ERCC6L2: variants seen among roughly 807,000 people sequenced by gnomAD.
The protein encoded by ERCC6L2 is ERCC excision repair 6 like 2.
ERCC6L2 carries 77 observed loss-of-function variants against 132.0 expected under a neutral mutation model. The observed-to-expected ratio is 0.58, with a 90% CI of 0.49 to 0.71. ERCC6L2 has a LOEUF of 0.71. Ranked by LOEUF, ERCC6L2 falls within the 30% of genes least tolerant of loss-of-function variation. The pLI is 0.00. For missense variants in ERCC6L2, 1,542 were observed against 1,837.6 expected, an observed-to-expected ratio of 0.84 and a Z score of 2.94; for synonymous variants, 583 against 632.4, an observed-to-expected ratio of 0.92 and a Z score of 1.17.
chr9:96,020,374 G>A (rs1471080404), downstream of ERCC6L2: 1 of 208,826 alleles, frequency 4.8e-6, no homozygotes, highest in Non-Finnish European at 9.8e-6. Flanking sequence ...GATGGGAGGA[G>A]TTCTGAAATA....
intron 17 of ERCC6L2, among the ~76,000 whole-genome samples, chr9:95,987,459 C>T (rs552260556): frequency 6.6e-6 from 1 of 152,322 alleles, no homozygotes; most frequent in Admixed American, 6.5e-5. Flanking sequence ...CTAAAGGCCC[C>T]ATGCAAGTCC....
At chr9:95,990,711 G>A (rs569536834) in intron 17 of ERCC6L2, among the ~76,000 whole-genome samples, 1 of 152,130 alleles carries the variant, frequency 6.6e-6, no homozygotes, top group Non-Finnish European at 1.5e-5. Context: ...CAGGCTCTGT[G>A]AGGGCCCTGC....
intron 19 of ERCC6L2, among the ~76,000 whole-genome samples, chr9:96,026,458 C>T (rs1276251355): frequency 6.6e-6 from 1 of 152,078 alleles, no homozygotes; most frequent in Non-Finnish European, 1.5e-5. Flanking sequence ...CGCGGGGAAG[C>T]GCGGAGTCTC....
chr9:95,947,759 T>TA (rs1254243625), intron 12 of ERCC6L2, among the ~76,000 whole-genome samples: 1 of 152,180 alleles, frequency 6.6e-6, no homozygotes, highest in Non-Finnish European at 1.5e-5. Context: ...CTTTAAAAGT[T>TA]ATGCTAACTC....
intron 19 of ERCC6L2, among the ~76,000 whole-genome samples, chr9:96,038,405 G>T (rs371860582): frequency 6.6e-6 from 1 of 152,226 alleles, no homozygotes; most frequent in South Asian, 2.1e-4. Flanking sequence ...GCACATTGCC[G>T]CTGAGCAGGG....
downstream of ERCC6L2, chr9:96,021,126 C>A (rs1383324201): frequency 5.1e-6 from 2 of 389,468 alleles, no homozygotes; most frequent in Non-Finnish European, 1.0e-5. The surrounding 1 kb of genome is among the most constrained non-coding windows in gnomAD (Gnocchi z 4.7). Context: ...CTCAGGCGTC[C>A]CGGGGAACCC....
intron 19 of ERCC6L2, among the ~76,000 whole-genome samples, chr9:96,032,055 T>TC (rs1439031053): frequency 1.3e-5 from 2 of 152,180 alleles, no homozygotes; most frequent in African/African-American, 4.8e-5. Flanking sequence ...TCTAAGCCCA[T>TC]CAGCAGAGAG....
intron 2 of ERCC6L2, among the ~76,000 whole-genome samples, chr9:95,889,405 G>A (rs1226274325): frequency 6.6e-6 from 1 of 151,980 alleles, no homozygotes; most frequent in Non-Finnish European, 1.5e-5. Context: ...TATCTCTCTT[G>A]TCTTTTCAGT....
rs1045707193 is a variant in ERCC6L2 at position 96,015,759 on chromosome 9, T to C, written c.*2556T>C. 1.3e-5 allele frequency among the ~76,000 whole-genome samples: 2 copies of C among 152,064 alleles called. No homozygotes were observed. The highest frequency in any genetic ancestry group is 4.8e-5 in the African/African-American group (2 of 41,436). Reference sequence around the variant, plus strand: ...CAGAGCTTGCAGTGAGCCAGGATTGTGCCCCTGCACCCCAGCCTGGGTGAC... The same window carrying C: ...CAGAGCTTGCAGTGAGCCAGGATTGCGCCCCTGCACCCCAGCCTGGGTGAC... On this transcript the variant is annotated 3_prime_UTR_variant, in exon 19 of 19. Transcript: ENST00000653738.
At chr9:95,927,252 A>G (rs940631986) in intron 9 of ERCC6L2, among the ~76,000 whole-genome samples, 3 of 152,052 alleles carry the variant, frequency 2.0e-5, no homozygotes, top group African/African-American at 7.2e-5. Flanking sequence ...TTGATTGAGT[A>G]AGTGTTATAT....
rs566312206 is a variant in ERCC6L2, at chr9:95,883,335, G to A, written c.471+2042G>A. On this transcript the variant is annotated intron_variant, in intron 2 of 18. Coordinates refer to ENST00000653738, the MANE Select transcript of ERCC6L2 (RefSeq NM_020207.7). ...TTAAAGCATTTTTCCTTGGCAATAC[G>A]TGTTGTCTCAGTGATTGGCTGGCTG... Among the ~76,000 whole-genome samples the A allele has an allele frequency of 5.3e-5, 8 of 152,264 alleles. No homozygotes were observed. In the South Asian group the frequency reaches 8.3e-4, roughly 16 times the overall value.
rs2133237967 is a variant in ERCC6L2, at chr9:96,016,160, GC to G, written c.*2959del. ...CAAGCAAATCCCTTACCTCCTTTTA[GC>G]CTTAGTTTCCCCTTTAAATTGGTGA... On this transcript the variant is annotated 3_prime_UTR_variant, in exon 19 of 19. Coordinates refer to ENST00000653738, the MANE Select transcript of ERCC6L2 (RefSeq NM_020207.7). Among the ~76,000 whole-genome samples the G allele has an allele frequency of 6.6e-6, 1 of 152,296 alleles. No homozygotes were observed. The highest frequency in any genetic ancestry group is 1.5e-5 in the Non-Finnish European group (1 of 68,022).
intron 17 of ERCC6L2, 110 bp from the exon 18 acceptor site, chr9:96,004,410 A>G (rs1833792133): frequency 1.9e-6 from 1 of 519,546 alleles, no homozygotes; most frequent in Admixed American, 3.7e-5. Flanking sequence ...GTTGGAGAAT[A>G]TGATTTACTT....
chr9:95,875,915 C>G lies in ERCC6L2; in HGVS notation c.-124C>G. ...CCTGTGGCTTCGGGTTGCCGAAGAG[C>G]GATGCTCGGAGGGCGGCCGGAAGTG... On this transcript the variant is annotated 5_prime_UTR_variant, in exon 1 of 19. Transcript: ENST00000653738. The G allele has an allele frequency of 9.6e-7, 1 of 1,041,422 alleles. No individual in the cohort carries two copies. Among genetic ancestry groups the G allele is most frequent in the Non-Finnish European group, 1.4e-6 (1 of 706,570 alleles). The allele number at this position is 1,041,422 out of a possible 1,614,324, so 64.5% of individuals were successfully genotyped here.
chr9:95,975,780 T>C (rs1368382442), intron 16 of ERCC6L2, among the ~76,000 whole-genome samples: 1 of 152,128 alleles, frequency 6.6e-6, no homozygotes, highest in Non-Finnish European at 1.5e-5. Flanking sequence ...CATTTTGTTT[T>C]GCTTTTTTAA....
intron 13 of ERCC6L2, among the ~76,000 whole-genome samples, chr9:95,957,327 A>G (rs933297954): frequency 4.6e-5 from 7 of 150,802 alleles, no homozygotes; most frequent in Non-Finnish European, 7.4e-5. Flanking sequence ...AATTTATGCT[A>G]TTTTCTTCAT....
intron 17 of ERCC6L2, among the ~76,000 whole-genome samples, chr9:95,990,270 G>A (rs866278367): frequency 6.6e-6 from 1 of 152,280 alleles, no homozygotes; most frequent in African/African-American, 2.4e-5. Flanking sequence ...CATGTGTGTG[G>A]ACATAAATCT....
intron 13 of ERCC6L2, among the ~76,000 whole-genome samples, chr9:95,959,185 T>C (rs1831774354): frequency 6.7e-6 from 1 of 149,194 alleles, no homozygotes; most frequent in Admixed American, 6.7e-5. Flanking sequence ...AACAGAGATG[T>C]AGATCAATGG....
chr9:95,957,726 CAAAT>C (rs910592313), intron 13 of ERCC6L2, among the ~76,000 whole-genome samples: 7 of 151,764 alleles, frequency 4.6e-5, no homozygotes, highest in Admixed American at 3.9e-4. Context: ...TTATATGACA[CAAAT>C]AAAGATAAGA....
Sources: gnomAD v4.1 joint callset for allele counts (sites outside exome capture counted in the v4.1 genomes callset) on GRCh38, gnomAD v4.1.1 for gene constraint, Gnocchi (gnomAD v3.1) non-coding constraint, MANE v1.5 for transcripts, NCBI Gene and HGNC (gene_info 2026-07-23, HGNC 2026-07-21) for gene names.